NT5C2: variants seen among roughly 807,000 people sequenced by gnomAD.
The protein encoded by NT5C2 is 5'-nucleotidase, cytosolic II.
Under a neutral mutation model 76.1 loss-of-function variants are expected in NT5C2, and 58 were observed. That is an observed-to-expected ratio of 0.76 (90% confidence interval 0.62 to 0.95). NT5C2 has a LOEUF of 0.95. Among genes scored for constraint, NT5C2 ranks in the 40% least tolerant of loss-of-function variants. NT5C2 has a pLI of 0.00. For missense variants in NT5C2, 478 were observed against 690.3 expected, an observed-to-expected ratio of 0.69 and a Z score of 3.45; for synonymous variants, 229 against 237.4, an observed-to-expected ratio of 0.96 and a Z score of 0.32.
At chr10:103,116,713 T>G (rs1784654521) in intron 4 of NT5C2, among the ~76,000 whole-genome samples, 1 of 151,328 alleles carries the variant, frequency 6.6e-6, no homozygotes, top group African/African-American at 2.4e-5. Context: ...TAGCTGGGGC[T>G]TACCAACATC....
At chr10:103,161,891 G>A (rs1009299014) in intron 3 of NT5C2, among the ~76,000 whole-genome samples, 10 of 152,244 alleles carry the variant, frequency 6.6e-5, no homozygotes, top group African/African-American at 2.2e-4. Context: ...AGAGGGAAAC[G>A]TGGAGTGGAC....
intron 1 of NT5C2, among the ~76,000 whole-genome samples, chr10:103,186,424 C>T (rs977275466): frequency 1.3e-5 from 2 of 152,196 alleles, no homozygotes; most frequent in South Asian, 2.1e-4. Context: ...AACCTCATAG[C>T]GTCCATTACG....
intron 3 of NT5C2, among the ~76,000 whole-genome samples, chr10:103,164,146 G>A (rs953044940): frequency 3.9e-5 from 6 of 152,148 alleles, no homozygotes; most frequent in Admixed American, 3.9e-4. Flanking sequence ...TTGGAAGGCT[G>A]AGTTGGGAGG....
In NT5C2 at chr10:103,091,384, C is replaced by T. The variant is rs552024150; in HGVS notation, c.1211+180G>A. On this transcript the variant is annotated intron_variant, in intron 16 of 18. Transcript: ENST00000404739. ...TTTTGAGACGGAGTTTCACTCTTGTCGCCCAGGCTGGAGTGCAATGGTGCA... is the reference window on the plus strand; with the variant it reads ...TTTTGAGACGGAGTTTCACTCTTGTTGCCCAGGCTGGAGTGCAATGGTGCA... Among the ~76,000 whole-genome samples, 12 of 151,220 alleles carry T rather than the reference C, an allele frequency of 7.9e-5. 1 individual carries two copies. Among genetic ancestry groups the T allele is most frequent in the East Asian group, 2.0e-4 (1 of 5,126 alleles).
chr10:103,145,149 A>G (rs554162617), intron 3 of NT5C2, among the ~76,000 whole-genome samples: 1 of 152,340 alleles, frequency 6.6e-6, no homozygotes, highest in African/African-American at 2.4e-5. Context: ...GAACTGCAAT[A>G]AGCCAAATAT....
Position 103,096,092 on chromosome 10 carries a change from C to T in NT5C2, c.772-112G>A. ...ATGTCTTTTTCAACATAGGACTCAC[C>T]ACATTCTTGTTTCCTCTAAATTTTA... On this transcript the variant is annotated intron_variant, in intron 11 of 18. Coordinates refer to ENST00000404739, the MANE Select transcript of NT5C2 (RefSeq NM_001351169.2). 3 of 710,438 alleles carry T rather than the reference C, an allele frequency of 4.2e-6. No homozygotes were observed. In the South Asian group the frequency reaches 5.7e-5, roughly 13 times the overall value. 44.0% of individuals were successfully genotyped at this position (710,438 alleles called of 1,614,324 possible). A position where few individuals can be genotyped will look rare whatever the true frequency, so the allele number is the denominator to read the frequency against.
chr10:103,111,163 T>C (rs1340970470), intron 4 of NT5C2, among the ~76,000 whole-genome samples: 4 of 152,164 alleles, frequency 2.6e-5, no homozygotes, highest in African/African-American at 9.7e-5. Flanking sequence ...ACTCTCACAA[T>C]TGACTTTCTG....
At chr10:103,141,230 G>A (rs1169879070) in intron 3 of NT5C2, among the ~76,000 whole-genome samples, 2 of 152,184 alleles carry the variant, frequency 1.3e-5, no homozygotes, top group African/African-American at 2.4e-5. Context: ...GCCGAGGCAG[G>A]CAGATGGCTT....
At chr10:103,132,707 G>A (rs1220239200) in intron 4 of NT5C2, among the ~76,000 whole-genome samples, 3 of 151,842 alleles carry the variant, frequency 2.0e-5, no homozygotes, top group African/African-American at 7.3e-5. Flanking sequence ...CCGCCACCAC[G>A]CCCGGCTAAT....
chr10:103,143,126 CTCT>C (rs1788491078), intron 3 of NT5C2, among the ~76,000 whole-genome samples: 1 of 152,118 alleles, frequency 6.6e-6, no homozygotes, highest in African/African-American at 2.4e-5. Flanking sequence ...ATGGCTTCTC[CTCT>C]TATTACCAAA....
chr10:103,182,832 T>C (rs1205326166), intron 1 of NT5C2, among the ~76,000 whole-genome samples: 1 of 152,160 alleles, frequency 6.6e-6, no homozygotes, highest in Non-Finnish European at 1.5e-5. Context: ...AACTAGTTTA[T>C]GGAAAAACAA....
At chr10:103,190,450 T>C (rs796946045) in intron 1 of NT5C2, among the ~76,000 whole-genome samples, 21 of 152,330 alleles carry the variant, frequency 1.4e-4, no homozygotes, top group African/African-American at 4.6e-4. Flanking sequence ...CCAAGCTACA[T>C]TAATATTCCT....
At position 103,089,420 on chromosome 10, in the gene NT5C2, C is replaced by A; in HGVS notation, c.*252G>T. The A allele has an allele frequency of 2.4e-6, 1 of 412,688 alleles. No individual in the cohort carries two copies. Among genetic ancestry groups the A allele is most frequent in the Non-Finnish European group, 4.1e-6 (1 of 242,454 alleles). 25.6% of individuals were successfully genotyped at this position (412,688 alleles called of 1,614,324 possible). A position where few individuals can be genotyped will look rare whatever the true frequency, so the allele number is the denominator to read the frequency against. On this transcript the variant is annotated 3_prime_UTR_variant, in exon 19 of 19. Coordinates refer to ENST00000404739, the MANE Select transcript of NT5C2 (RefSeq NM_001351169.2). ...AAGCCACAGTGGAGCCATATACATG[C>A]AGTTCAGCCTGATTTTACCCTTATT...
At chr10:103,192,453 G>A (rs1157177791) in intron 1 of NT5C2, among the ~76,000 whole-genome samples, 2 of 152,132 alleles carry the variant, frequency 1.3e-5, no homozygotes, top group Non-Finnish European at 2.9e-5. Context: ...CCCCCAAAAC[G>A]TTTTTCTTAA....
chr10:103,141,222 C>T (rs1395329796), intron 3 of NT5C2, among the ~76,000 whole-genome samples: 4 of 152,054 alleles, frequency 2.6e-5, no homozygotes, highest in African/African-American at 7.2e-5. Flanking sequence ...TTTGAGAGGC[C>T]GAGGCAGGCA....
At chr10:103,163,404 G>A (rs2085436095) in intron 3 of NT5C2, among the ~76,000 whole-genome samples, 1 of 152,178 alleles carries the variant, frequency 6.6e-6, no homozygotes, top group African/African-American at 2.4e-5. Flanking sequence ...AGCAATGTAT[G>A]AGAAGTTCCA....
At chr10:103,098,046 A>AC in intron 10 of NT5C2, 1 of 528,352 alleles carries the variant, frequency 1.9e-6, no homozygotes, top group Non-Finnish European at 3.9e-6. Context: ...AGAAATCTTT[A>AC]CCACAGTACT....
At chr10:103,091,692 A>G in intron 15 of NT5C2, 77 bp from the exon 16 acceptor site, 2 of 1,228,224 alleles carry the variant, frequency 1.6e-6, no homozygotes, top group South Asian at 1.2e-5. Context: ...CTAAACTAAA[A>G]GGTTGCAGAT....
intron 3 of NT5C2, chr10:103,146,523 G>T: frequency 1.4e-6 from 1 of 696,876 alleles, no homozygotes; most frequent in Non-Finnish European, 1.8e-6. Flanking sequence ...TTGAAATTAT[G>T]AACTAAAAAG....
Sources: allele counts gnomAD v4.1 joint callset (sites outside exome capture counted in the v4.1 genomes callset), GRCh38; gene constraint gnomAD v4.1.1; transcripts MANE v1.5; gene names NCBI Gene and HGNC (gene_info 2026-07-23, HGNC 2026-07-21).